Variants in BTAF1 observed in about 807,000 individuals in gnomAD.
BTAF1 encodes the protein TATA-binding protein-associated factor 172.
BTAF1 carries 38 observed loss-of-function variants against 227.1 expected under a neutral mutation model. The ratio of observed to expected loss-of-function variants is 0.17; its 90% CI spans 0.13 to 0.22. The LOEUF (loss-of-function observed/expected upper bound fraction) is 0.22. BTAF1 is among the 10% of genes least tolerant of loss of function. The pLI is 1.00. For missense variants in BTAF1, 1,598 were observed against 2,204.0 expected, an observed-to-expected ratio of 0.73 and a Z score of 5.51; for synonymous variants, 742 against 751.9, an observed-to-expected ratio of 0.99 and a Z score of 0.21.
At chr10:91,930,751 TC>T (rs1844219659) in intron 1 of BTAF1, among the ~76,000 whole-genome samples, 1 of 152,204 alleles carries the variant, frequency 6.6e-6, no homozygotes. Flanking sequence ...TTTCCTTACT[TC>T]CTGAGTAACA....
intron 19 of BTAF1, among the ~76,000 whole-genome samples, chr10:91,986,397 T>C (rs1192087790): frequency 6.6e-6 from 1 of 152,206 alleles, no homozygotes; most frequent in East Asian, 1.9e-4. Context: ...GAGTTCTTCC[T>C]TTTTTGAGTT....
chr10:91,985,298 T>C (rs1848330538), intron 19 of BTAF1, among the ~76,000 whole-genome samples: 2 of 151,592 alleles, frequency 1.3e-5, no homozygotes, highest in African/African-American at 4.8e-5. Context: ...ATCTGTGTTA[T>C]ATATATATAT....
chr10:91,964,277 A>C lies in BTAF1; in HGVS notation c.1529+76A>C, dbSNP rs564309824. ...CGAGATAATTCAGCCTAAACATAAC[A>C]ATATTTTAGCACCTTTAAGAATAAT... On this transcript the variant is annotated intron_variant, in intron 13 of 37. Coordinates refer to ENST00000265990, the MANE Select transcript of BTAF1 (RefSeq NM_003972.3). 2.2e-4 allele frequency: 320 copies of C among 1,472,686 alleles called. 1 individual carries two copies. In the African/African-American group the frequency reaches 4.1e-3, roughly 19 times the overall value. The allele number at this position is 1,472,686 out of a possible 1,614,324, so 91.2% of individuals were successfully genotyped here.
At chr10:91,943,091 A>C (rs942384172) in intron 4 of BTAF1, among the ~76,000 whole-genome samples, 1 of 152,144 alleles carries the variant, frequency 6.6e-6, no homozygotes, top group African/African-American at 2.4e-5. Context: ...AGGTGGGTGG[A>C]TCACCTGAGG....
At position 92,011,053 on chromosome 10, in the gene BTAF1, T is replaced by G; in HGVS notation, c.4104-20T>G. The G allele has an allele frequency of 1.9e-6, 3 of 1,562,786 alleles. No individual in the cohort carries two copies. The highest frequency in any genetic ancestry group is 2.6e-6 in the Non-Finnish European group (3 of 1,146,350). ...TTTTCAGGGTCTCTGTTTTCTAATT[T>G]TATTCATTTCTAAATAAAGGTTACA... is the stretch of plus-strand genomic sequence containing the variant. On this transcript the variant is annotated intron_variant, in intron 28 of 37. Transcript: ENST00000265990.
At chr10:91,942,337 ATGC>A in intron 3 of BTAF1, 82 bp from the exon 4 acceptor site, 1 of 934,636 alleles carries the variant, frequency 1.1e-6, no homozygotes, top group Non-Finnish European at 1.6e-6. Flanking sequence ...TGTGTAACCC[ATGC>A]AACCCAAGTA....
rs576885475 is a variant in BTAF1 at position 91,952,718 on chromosome 10, G to T, written c.565-1019G>T. 2.0e-5 allele frequency among the ~76,000 whole-genome samples: 3 copies of T among 152,194 alleles called. No individual in the cohort carries two copies. In the South Asian group the frequency reaches 6.2e-4, roughly 32 times the overall value. On this transcript the variant is annotated intron_variant, in intron 5 of 37. Coordinates refer to ENST00000265990, the MANE Select transcript of BTAF1 (RefSeq NM_003972.3). ...CTGCAGACAAGGGGGTAGAAAGGCA[G>T]ATACTAGGAGAGAAAAAAGAGAGAG...
Position 92,029,961 on chromosome 10 carries a change from T to C in BTAF1, c.*1028T>C, listed in dbSNP as rs1851788180. The stretch of plus-strand genomic sequence containing the variant: ...CAGCAATAATAATTGGGCATGAGGC[T>C]GATTACTCAATGGTGAGGGTAGGTA... On this transcript the variant is annotated 3_prime_UTR_variant, in exon 38 of 38. Coordinates refer to ENST00000265990, the MANE Select transcript of BTAF1 (RefSeq NM_003972.3). 1 of 152,586 alleles carries C rather than the reference T, an allele frequency of 6.6e-6. No individual in the cohort carries two copies. The highest frequency in any genetic ancestry group is 2.4e-5 in the African/African-American group (1 of 41,444). The allele number at this position is 152,586 out of a possible 1,614,324, so 9.5% of individuals were successfully genotyped here.
rs1554864855 is a variant in BTAF1 at position 92,008,338 on chromosome 10, G to GT, written c.3813+63_3813+64insT. 1.2e-5 allele frequency: 16 copies of GT among 1,328,432 alleles called. No individual in the cohort carries two copies. In the African/African-American group the frequency reaches 2.6e-4, roughly 21 times the overall value. 82.3% of individuals were successfully genotyped at this position (1,328,432 alleles called of 1,614,324 possible). A position where few individuals can be genotyped will look rare whatever the true frequency, so the allele number is the denominator to read the frequency against. Reference sequence around the variant, plus strand: ...AACCTTGAAGCGTTGTGGGTTTGTTGGGGGGGGCTTTTGTTTCTTTTTTGA... The same window carrying GT: ...AACCTTGAAGCGTTGTGGGTTTGTTGTGGGGGGGCTTTTGTTTCTTTTTTGA... On this transcript the variant is annotated intron_variant, in intron 26 of 37. Transcript: ENST00000265990.
At chr10:91,959,740 G>GTGTGTGTATA (rs1239373067) in intron 9 of BTAF1, 45 bp from the exon 10 acceptor site, 62 of 226,512 alleles carry the variant, frequency 2.7e-4, no homozygotes, top group South Asian at 1.2e-3. Context: ...GTGTGTGTGT[G>GTGTGTGTATA]TATATATATA....
At chr10:91,947,153 A>G (rs1256235578) in intron 4 of BTAF1, among the ~76,000 whole-genome samples, 2 of 152,106 alleles carry the variant, frequency 1.3e-5, no homozygotes, top group African/African-American at 2.4e-5. Context: ...TGATTTACAC[A>G]TATTTTCTAC....
chr10:91,993,813 C>T lies in BTAF1; in HGVS notation c.3165C>T (p.Gly1055=). ...KLPHLWDAMV[G]PLRNTIDINN... Reference sequence around the variant, plus strand: ...CACATCTCTGGGATGCTATGGTTGGCCCATTGAGGAATACAATCGACATAA... The same window carrying T: ...CACATCTCTGGGATGCTATGGTTGGTCCATTGAGGAATACAATCGACATAA... The change falls in exon 22 of 38, where the codon GGC becomes GGT. Residue 1055 remains glycine (G), a synonymous_variant. Coordinates refer to ENST00000265990, the MANE Select transcript of BTAF1 (RefSeq NM_003972.3). 1 of 1,604,246 alleles carries T rather than the reference C, an allele frequency of 6.2e-7. No homozygotes were observed. Among genetic ancestry groups the T allele is most frequent in the South Asian group, 1.1e-5 (1 of 88,624 alleles).
Position 92,024,892 on chromosome 10 carries a change from C to G in BTAF1, c.5000C>G (p.Pro1667Arg). The G allele has an allele frequency of 5.6e-6, 9 of 1,614,080 alleles. No individual in the cohort carries two copies. The highest frequency in any genetic ancestry group is 7.6e-6 in the Non-Finnish European group (9 of 1,180,010). ...LDIVEHDLLK[P>R]HLPSVTYLRL... ...ATAGTAGAGCATGATCTCCTCAAAC[C>G]TCACTTGCCCTCTGTCACTTATTTG... Residue 1667 changes from proline (P) to arginine (R), a missense_variant, in exon 35 of 38, where the codon CCT (proline) becomes CGT (arginine). Pro to Arg is a moderately radical substitution (Grantham distance 103). Around this residue, in one of 10 missense-constraint regions of BTAF1, gnomAD observed 205 missense variants for 244.5 expected, o/e 0.84. Transcript: ENST00000265990.
chr10:92,026,748 G>T lies in BTAF1; in HGVS notation c.5232G>T (p.Gly1744=). 1 of 1,611,412 alleles carries T rather than the reference G, an allele frequency of 6.2e-7. No homozygotes were observed. Among genetic ancestry groups the T allele is most frequent in the Non-Finnish European group, 8.5e-7 (1 of 1,178,930 alleles). The change falls in exon 36 of 38, where the codon GGG becomes GGT. Residue 1744 remains glycine, a synonymous_variant. Coordinates refer to ENST00000265990, the MANE Select transcript of BTAF1 (RefSeq NM_003972.3). ...CCATGGACCGGGCCCATCGCATTGGGCAGGTAAAAGTCAATTTTACCTCAC... is the reference window on the plus strand; with the variant it reads ...CCATGGACCGGGCCCATCGCATTGGTCAGGTAAAAGTCAATTTTACCTCAC... ...LQAMDRAHRI[G]QKRVVNVYRL...
rs569277030 is a variant in BTAF1 at position 91,991,640 on chromosome 10, C to T, written c.2855-479C>T. 1.9e-3 allele frequency among the ~76,000 whole-genome samples: 284 copies of T among 151,374 alleles called. 2 individuals carry two copies. The highest frequency in any genetic ancestry group is 6.6e-3 in the African/African-American group (271 of 41,144). ...TGGTGTGTGCCTGTAGTCCTAACTC[C>T]TCAGGAGGCTGAGGTGGGAGGATTG... is the stretch of plus-strand genomic sequence containing the variant. On this transcript the variant is annotated intron_variant, in intron 20 of 37. Coordinates refer to ENST00000265990, the MANE Select transcript of BTAF1 (RefSeq NM_003972.3).
chr10:92,025,810 C>CAAAAAAAAAAAA (rs71025383), intron 35 of BTAF1, among the ~76,000 whole-genome samples: 1 of 86,900 alleles, frequency 1.2e-5, no homozygotes, highest in Non-Finnish European at 2.2e-5. Context: ...GACTCTGTCT[C>CAAAAAAAAAAAA]AAAAAAAAAA....
intron 2 of BTAF1, among the ~76,000 whole-genome samples, chr10:91,937,144 A>C (rs1271257563): frequency 1.3e-5 from 2 of 151,336 alleles, no homozygotes; most frequent in Non-Finnish European, 2.9e-5. Flanking sequence ...ACAGGCGTGC[A>C]CCACCATGCC....
chr10:91,947,294 C>G (rs901219737), intron 4 of BTAF1, among the ~76,000 whole-genome samples: 1 of 152,150 alleles, frequency 6.6e-6, no homozygotes, highest in East Asian at 1.9e-4. Context: ...AAGAAACTTG[C>G]CAAATTCAAG....
chr10:91,997,129 C>G lies in BTAF1; in HGVS notation c.3512-474C>G, dbSNP rs754290337. 21 of 1,244,880 alleles carry G rather than the reference C, an allele frequency of 1.7e-5. No individual in the cohort carries two copies. The African/African-American group carries it at 3.5e-4, about 21-fold the overall frequency. The allele number at this position is 1,244,880 out of a possible 1,614,324, so 77.1% of individuals were successfully genotyped here. ...GATGAAGATCAAATCAGTAGAAACT[C>G]TGGTTCAAAAATACTGAAGATTACA... is the stretch of plus-strand genomic sequence containing the variant. On this transcript the variant is annotated intron_variant, in intron 24 of 37. Coordinates refer to ENST00000265990, the MANE Select transcript of BTAF1 (RefSeq NM_003972.3).
Sources: allele counts gnomAD v4.1 joint callset (sites outside exome capture counted in the v4.1 genomes callset), GRCh38; gene constraint gnomAD v4.1.1; regional missense constraint gnomAD v4.1.1; transcripts MANE v1.5; gene names NCBI Gene and HGNC (gene_info 2026-07-23, HGNC 2026-07-21).